GCNT2: variants seen among roughly 807,000 people sequenced by gnomAD.
The protein encoded by GCNT2 is N-acetyllactosaminide beta-1,6-N-acetylglucosaminyl-transferase.
A neutral mutation model predicts 34.2 loss-of-function variants in GCNT2; 34 were observed. The observed-to-expected ratio is 1.00, with a 90% CI of 0.76 to 1.32. The LOEUF is 1.32. GCNT2 is among the 40% of genes most tolerant of loss of function. GCNT2 has a pLI of 0.00. For missense variants in GCNT2, 584 were observed against 489.4 expected (o/e 1.19, Z -1.82); for synonymous variants, 212 against 188.0 (o/e 1.13, Z -1.04).
At chr6:10,588,874 GTA>G (rs1467835323) in intron 3 of GCNT2, among the ~76,000 whole-genome samples, 1 of 115,190 alleles carries the variant, frequency 8.7e-6, no homozygotes, top group Non-Finnish European at 1.8e-5. Context: ...TGTGTGTGGG[GTA>G]TGTGTGTTTG....
chr6:10,596,850 C>T (rs1395594051), intron 3 of GCNT2, among the ~76,000 whole-genome samples: 1 of 152,058 alleles, frequency 6.6e-6, no homozygotes, highest in African/African-American at 2.4e-5. Flanking sequence ...CTCACAGAGG[C>T]TTCTCTATGA....
chr6:10,595,278 T>TC (rs1273728611), intron 3 of GCNT2, among the ~76,000 whole-genome samples: 1 of 151,512 alleles, frequency 6.6e-6, no homozygotes, highest in Non-Finnish European at 1.5e-5. Flanking sequence ...TTATTTTCTT[T>TC]CTTTTTTTTT....
intron 3 of GCNT2, among the ~76,000 whole-genome samples, chr6:10,553,905 A>G (rs1368949416): frequency 6.6e-6 from 1 of 152,216 alleles, no homozygotes; most frequent in Non-Finnish European, 1.5e-5. Flanking sequence ...AAGGAAAAAA[A>G]CCAAACATAC....
intron 3 of GCNT2, among the ~76,000 whole-genome samples, chr6:10,564,783 TATTC>T (rs1330946921): frequency 2.6e-5 from 4 of 152,248 alleles, no homozygotes; most frequent in African/African-American, 7.2e-5. Context: ...ATAAGATGGA[TATTC>T]ATTTAATAAA....
Position 10,522,266 on chromosome 6 carries a change from A to G in GCNT2, c.-469+849A>G, listed in dbSNP as rs1406380300. On this transcript the variant is annotated intron_variant, in intron 1 of 4. Coordinates refer to ENST00000495262, the MANE Select transcript of GCNT2 (RefSeq NM_145649.5). ...TATGAACCTCATTTGATAATAGGTAAAATTGAAAATGAAGCTCTGGGCCAT... is the reference window on the plus strand; with the variant it reads ...TATGAACCTCATTTGATAATAGGTAGAATTGAAAATGAAGCTCTGGGCCAT... Among the ~76,000 whole-genome samples the G allele has an allele frequency of 2.6e-5, 4 of 151,370 alleles. 1 individual carries two copies. The highest frequency in any genetic ancestry group is 4.9e-5 in the African/African-American group (2 of 40,666).
intron 3 of GCNT2, among the ~76,000 whole-genome samples, chr6:10,534,611 A>G (rs1761675104): frequency 1.3e-5 from 2 of 152,124 alleles, no homozygotes; most frequent in Non-Finnish European, 2.9e-5. Flanking sequence ...ATGTAGCCCC[A>G]AGTTGTCCAA....
In GCNT2 at chr6:10,628,244, G is replaced by A. The variant is rs1382392235; in HGVS notation, c.*1637G>A. The A allele has an allele frequency of 6.6e-6, 1 of 152,534 alleles. No individual in the cohort carries two copies. The highest frequency in any genetic ancestry group is 1.5e-5 in the Non-Finnish European group (1 of 68,030). The allele number at this position is 152,534 out of a possible 1,614,324, so 9.4% of individuals were successfully genotyped here. A position where few individuals can be genotyped will look rare whatever the true frequency, so the allele number is the denominator to read the frequency against. ...ATGTGAAGTCTACTTTAGTATTCCT[G>A]TAATACTAAACCGTTGAGTTTCTAA... is the stretch of plus-strand genomic sequence containing the variant. On this transcript the variant is annotated 3_prime_UTR_variant, in exon 5 of 5. Transcript: ENST00000495262.
rs1561816427 is a variant in GCNT2 at position 10,582,335 on chromosome 6, CTA to C, written c.926-39011_926-39010del. Among the ~76,000 whole-genome samples the C allele has an allele frequency of 4.5e-3, 390 of 86,094 alleles. 4 individuals are homozygous for C. The highest frequency in any genetic ancestry group is 0.023 in the African/African-American group (366 of 15,602). 56.5% of individuals were successfully genotyped at this position (86,094 alleles called of 152,430 possible). On this transcript the variant is annotated intron_variant, in intron 3 of 4. Coordinates refer to ENST00000495262, the MANE Select transcript of GCNT2 (RefSeq NM_145649.5). ...ATAGTAATATTAAATATAATATATA[CTA>C]TATAATATATAGTAATATTAAATAT... is the stretch of plus-strand genomic sequence containing the variant.
At position 10,561,964 on chromosome 6, in the gene GCNT2, G is replaced by A. The variant is rs138502227; in HGVS notation, c.925+32128G>A. Among the ~76,000 whole-genome samples, 311 of 151,830 alleles carry A rather than the reference G, an allele frequency of 2.0e-3. 1 individual carries two copies. The highest frequency in any genetic ancestry group is 7.0e-3 in the African/African-American group (291 of 41,372). Reference sequence around the variant, plus strand: ...TTTAAACTGTGACTTTTATTTATATGTGCACATTCTTTGGGAGGGTGTTAG... The same window carrying A: ...TTTAAACTGTGACTTTTATTTATATATGCACATTCTTTGGGAGGGTGTTAG... On this transcript the variant is annotated intron_variant, in intron 3 of 4. Transcript: ENST00000495262.
intron 3 of GCNT2, among the ~76,000 whole-genome samples, chr6:10,594,577 T>G (rs1319231797): frequency 2.0e-5 from 3 of 152,150 alleles, no homozygotes; most frequent in African/African-American, 7.2e-5. Context: ...GTAAGGCTGT[T>G]TTGAGAATTA....
chr6:10,559,072 CTTT>C (rs55637072), intron 3 of GCNT2, among the ~76,000 whole-genome samples: 4 of 122,506 alleles, frequency 3.3e-5, no homozygotes, highest in South Asian at 2.7e-4. Flanking sequence ...TAAATTGTTG[CTTT>C]TTTTTTTTTT....
At chr6:10,590,289 C>G (rs922413788) in intron 3 of GCNT2, among the ~76,000 whole-genome samples, 1 of 151,792 alleles carries the variant, frequency 6.6e-6, no homozygotes, top group Non-Finnish European at 1.5e-5. Context: ...GTCCCAGTTA[C>G]TCAGGAGGCT....
chr6:10,526,336 C>T (rs1231687331), intron 1 of GCNT2, among the ~76,000 whole-genome samples: 1 of 152,154 alleles, frequency 6.6e-6, no homozygotes, highest in East Asian at 1.9e-4. Flanking sequence ...AGAATTTTCC[C>T]TGTGTCCTTT....
chr6:10,565,087 A>G (rs955034737), intron 3 of GCNT2, among the ~76,000 whole-genome samples: 12 of 152,232 alleles, frequency 7.9e-5, no homozygotes, highest in African/African-American at 2.9e-4. Context: ...AAGAGGTCCC[A>G]GGCAGAGGGA....
chr6:10,554,819 A>G (rs532641456), intron 3 of GCNT2, among the ~76,000 whole-genome samples: 2 of 152,274 alleles, frequency 1.3e-5, no homozygotes, highest in African/African-American at 2.4e-5. Context: ...GGTGGGTTAT[A>G]TAGAGAGTTT....
chr6:10,542,944 G>A (rs1477947959), intron 3 of GCNT2, among the ~76,000 whole-genome samples: 2 of 88,768 alleles, frequency 2.3e-5, no homozygotes, highest in Non-Finnish European at 4.2e-5. Flanking sequence ...TTTCACTCTT[G>A]TTGCCCAGGC....
intron 3 of GCNT2, among the ~76,000 whole-genome samples, chr6:10,592,059 CAA>C (rs956341388): frequency 6.6e-6 from 1 of 152,188 alleles, no homozygotes; most frequent in Non-Finnish European, 1.5e-5. Context: ...GAATTAATTA[CAA>C]ACGTTGAATG....
rs1245942429 is a variant in GCNT2 at position 10,529,379 on chromosome 6, G to A, written c.468G>A (p.Lys156=). The change falls in exon 3 of 5, where the codon AAG becomes AAA. Residue 156 remains lysine, a synonymous_variant. Coordinates refer to ENST00000495262, the MANE Select transcript of GCNT2 (RefSeq NM_145649.5). ...CFPNAFLASK[K]ESVVYGGISR... ...CAAATGCTTTTCTGGCTTCCAAGAA[G>A]GAGTCGGTTGTCTATGGGGGGATCT... The A allele has an allele frequency of 6.2e-7, 1 of 1,614,144 alleles. No homozygotes were observed. Among genetic ancestry groups the A allele is most frequent in the Non-Finnish European group, 8.5e-7 (1 of 1,180,020 alleles).
In GCNT2 at chr6:10,616,183, C is replaced by T. The variant is rs76246949; in HGVS notation, c.926-5168C>T. On this transcript the variant is annotated intron_variant, in intron 3 of 4. Coordinates refer to ENST00000495262, the MANE Select transcript of GCNT2 (RefSeq NM_145649.5). ...TGAAGCTGTAGACCTTTGCAGTGAG[C>T]GTTATATCTTTCAAGGCGGTGCGTT... is the stretch of plus-strand genomic sequence containing the variant. Among the ~76,000 whole-genome samples, 1,244 of 149,578 alleles carry T rather than the reference C, an allele frequency of 8.3e-3. 10 individuals are homozygous for T. The highest frequency in any genetic ancestry group is 0.054 in the Middle Eastern group (16 of 294).
Sources: gnomAD v4.1 joint callset for allele counts (sites outside exome capture counted in the v4.1 genomes callset) on GRCh38, gnomAD v4.1.1 for gene constraint, MANE v1.5 for transcripts, NCBI Gene and HGNC (gene_info 2026-07-23, HGNC 2026-07-21) for gene names.